Variants in TMEM106C observed in about 807,000 individuals in gnomAD.
TMEM106C encodes transmembrane protein 106C, also known as endoplasmic reticulum membrane protein overexpressed in cancer.
TMEM106C carries 27 observed loss-of-function variants against 30.8 expected under a neutral mutation model. The ratio of observed to expected loss-of-function variants is 0.88; its 90% confidence interval spans 0.65 to 1.21. The LOEUF is 1.21. Among genes scored for constraint, TMEM106C ranks in the 50% most tolerant of loss-of-function variants. TMEM106C has a pLI of 0.00. For missense variants in TMEM106C, 288 were observed against 307.8 expected, an observed-to-expected ratio of 0.94 and a Z score of 0.48; for synonymous variants, 123 against 118.8, an observed-to-expected ratio of 1.04 and a Z score of -0.23.
chr12:47,966,372 C>T, intron 5 of TMEM106C, 143 bp downstream of exon 5: 2 of 936,710 alleles, frequency 2.1e-6, no homozygotes, highest in African/African-American at 3.3e-5. Context: ...CTGTTGGGCC[C>T]TGTAATTATA....
At chr12:47,967,184 AT>A in intron 6 of TMEM106C, 23 bp from the exon 7 acceptor site, 1 of 1,609,100 alleles carries the variant, frequency 6.2e-7, no homozygotes, top group Non-Finnish European at 8.5e-7. Context: ...AAAACTGACT[AT>A]TTCCATATTT....
At position 47,968,186 on chromosome 12, in the gene TMEM106C, C is replaced by G; in HGVS notation, c.710C>G (p.Thr237Arg). The G allele has an allele frequency of 6.2e-7, 1 of 1,614,092 alleles. No individual in the cohort carries two copies. The highest frequency in any genetic ancestry group is 8.5e-7 in the Non-Finnish European group (1 of 1,179,972). ...CTCATGACCCAGAGCTCCTTGGAGA[C>G]ACATCACTATGTGGATTGTGGAGGA... ...IGLMTQSSLE[T>R]HHYVDCGGNS... Residue 237 changes from threonine to arginine, a missense_variant, in exon 8 of 8, where the codon ACA (threonine) becomes AGA (arginine). Coordinates refer to ENST00000429772, the MANE Select transcript of TMEM106C (RefSeq NM_001143842.2).
At chr12:47,964,106 C>T in intron 1 of TMEM106C, 103 bp from the exon 2 acceptor site, 1 of 929,528 alleles carries the variant, frequency 1.1e-6, no homozygotes, top group Non-Finnish European at 1.6e-6. Flanking sequence ...ACACTCAGGG[C>T]GGCAACTTGT....
chr12:47,967,308 C>T (rs1938270445), intron 7 of TMEM106C, 47 bp downstream of exon 7: 2 of 1,605,024 alleles, frequency 1.2e-6, no homozygotes, highest in East Asian at 2.2e-5. Flanking sequence ...CCATGTGAGC[C>T]TACCACCTTT....
intron 3 of TMEM106C, 107 bp downstream of exon 3, chr12:47,965,452 T>G: frequency 2.2e-5 from 22 of 997,880 alleles, no homozygotes; most frequent in Non-Finnish European, 3.2e-5. Flanking sequence ...TTCTTATAAG[T>G]TCCCCATTTT....
At position 47,968,502 on chromosome 12, in the gene TMEM106C, A is replaced by G. The variant is rs1938324997; in HGVS notation, c.*273A>G. 14 of 467,798 alleles carry G rather than the reference A, an allele frequency of 3.0e-5. No individual in the cohort carries two copies. The highest frequency in any genetic ancestry group is 2.3e-4 in the South Asian group (12 of 52,284). 29.0% of individuals were successfully genotyped at this position (467,798 alleles called of 1,614,324 possible). ...TGCAGAATTTAATACAGATCTTTTCAGCTGTTCTTAGGGCATTATAAATGG... is the reference window on the plus strand; with the variant it reads ...TGCAGAATTTAATACAGATCTTTTCGGCTGTTCTTAGGGCATTATAAATGG... On this transcript the variant is annotated 3_prime_UTR_variant, in exon 8 of 8. Transcript: ENST00000429772.
chr12:47,967,093 A>G, intron 6 of TMEM106C, 115 bp from the exon 7 acceptor site: 1 of 1,035,056 alleles, frequency 9.7e-7, no homozygotes, highest in South Asian at 1.3e-5. Flanking sequence ...CCTTGGCAGC[A>G]CTTAGGTCGG....
At chr12:47,967,384 A>T in intron 7 of TMEM106C, 123 bp downstream of exon 7, 1 of 902,898 alleles carries the variant, frequency 1.1e-6, no homozygotes, top group Non-Finnish European at 1.8e-6. Flanking sequence ...CCTGTGCCTC[A>T]CAGGCACAGA....
chr12:47,965,510 CTG>C (rs1000187599), intron 3 of TMEM106C, 165 bp downstream of exon 3: 2 of 691,866 alleles, frequency 2.9e-6, no homozygotes, highest in African/African-American at 3.6e-5. Context: ...CCATCACAAT[CTG>C]GGGAAAGAAA....
Position 47,964,530 on chromosome 12 carries a change from A to G in TMEM106C, c.187+107A>G. The G allele has an allele frequency of 1.9e-6, 2 of 1,044,918 alleles. 1 individual carries two copies. The highest frequency in any genetic ancestry group is 2.8e-5 in the South Asian group (2 of 70,598). The allele number at this position is 1,044,918 out of a possible 1,614,324, so 64.7% of individuals were successfully genotyped here. Reference sequence around the variant, plus strand: ...TAGGCAGTAATACCATAATAGAGACAGTGCCCTGGACAGGAGCCAGCTCAA... The same window carrying G: ...TAGGCAGTAATACCATAATAGAGACGGTGCCCTGGACAGGAGCCAGCTCAA... On this transcript the variant is annotated intron_variant, in intron 2 of 7. Transcript: ENST00000429772.
chr12:47,967,583 T>A (rs1374284819), intron 7 of TMEM106C, among the ~76,000 whole-genome samples: 1 of 152,214 alleles, frequency 6.6e-6, no homozygotes, highest in Non-Finnish European at 1.5e-5. Context: ...TACTGGGCAT[T>A]TGACCAGACT....
intron 7 of TMEM106C, 67 bp from the exon 8 acceptor site, chr12:47,968,066 G>T: frequency 7.3e-7 from 1 of 1,370,592 alleles, no homozygotes; most frequent in Non-Finnish European, 1.0e-6. Context: ...AAAATTTCCT[G>T]GGACATTTTT....
chr12:47,965,480 C>G, intron 3 of TMEM106C, 135 bp downstream of exon 3: 1 of 831,166 alleles, frequency 1.2e-6, no homozygotes, highest in Non-Finnish European at 1.9e-6. Flanking sequence ...ACTGTTTGCC[C>G]AAGCAAGATA....
At chr12:47,965,499 C>A in intron 3 of TMEM106C, 154 bp downstream of exon 3, 1 of 720,048 alleles carries the variant, frequency 1.4e-6, no homozygotes, top group Non-Finnish European at 2.3e-6. Flanking sequence ...TATCTCTGCC[C>A]CCATCACAAT....
In TMEM106C at chr12:47,968,348, A is replaced by C. The variant is rs1047961525; in HGVS notation, c.*119A>C. 2 of 778,766 alleles carry C rather than the reference A, an allele frequency of 2.6e-6. No individual in the cohort carries two copies. Among genetic ancestry groups the C allele is most frequent in the Non-Finnish European group, 4.5e-6 (2 of 448,638 alleles). 48.2% of individuals were successfully genotyped at this position (778,766 alleles called of 1,614,324 possible). A position where few individuals can be genotyped will look rare whatever the true frequency, so the allele number is the denominator to read the frequency against. ...AAGCAGAGGAGGAATTGGTTCACTT[A>C]ACTCCCAGCAAACATCCTCCTGCCA... On this transcript the variant is annotated 3_prime_UTR_variant, in exon 8 of 8. Coordinates refer to ENST00000429772, the MANE Select transcript of TMEM106C (RefSeq NM_001143842.2).
At chr12:47,966,629 T>C (rs1565658781) in intron 5 of TMEM106C, 54 bp from the exon 6 acceptor site, 1 of 1,583,996 alleles carries the variant, frequency 6.3e-7, no homozygotes, top group Non-Finnish European at 8.7e-7. Context: ...ATAATAATAC[T>C]GTTCTGTGTC....
At chr12:47,966,830 G>C in intron 6 of TMEM106C, 98 bp downstream of exon 6, 1 of 1,342,398 alleles carries the variant, frequency 7.4e-7, no homozygotes, top group Non-Finnish European at 1.1e-6. Flanking sequence ...TTAGATCTCA[G>C]CTTTTGACTT....
chr12:47,968,168 C>T lies in TMEM106C; in HGVS notation c.692C>T (p.Thr231Ile), dbSNP rs114197535. 8 of 1,613,990 alleles carry T rather than the reference C, an allele frequency of 5.0e-6. No homozygotes were observed. In the East Asian group the frequency reaches 1.6e-4, roughly 31 times the overall value. Residue 231 changes from threonine (T) to isoleucine (I), a missense_variant, in exon 8 of 8, where the codon ACC becomes ATC. Transcript: ENST00000429772. ...SVKISYIGLM[T>I]QSSLETHHYV... is the part of the protein sequence containing the mutation. ...AAGATTTCATACATTGGCCTCATGA[C>T]CCAGAGCTCCTTGGAGACACATCAC...
Position 47,965,823 on chromosome 12 carries a change from C to A in TMEM106C, c.252-15C>A. ...TCTGACTGCCTGGGTCGGTCATGTG[C>A]TGTGTCATTTGCAGTAAGCAATATG... is the stretch of plus-strand genomic sequence containing the variant. On this transcript the variant is annotated splice_polypyrimidine_tract_variant and intron_variant, in intron 3 of 7. Coordinates refer to ENST00000429772, the MANE Select transcript of TMEM106C (RefSeq NM_001143842.2). 1 of 1,613,952 alleles carries A rather than the reference C, an allele frequency of 6.2e-7. No individual in the cohort carries two copies. Among genetic ancestry groups the A allele is most frequent in the Non-Finnish European group, 8.5e-7 (1 of 1,179,866 alleles).
Sources: gnomAD v4.1 joint callset for allele counts (sites outside exome capture counted in the v4.1 genomes callset) on GRCh38, gnomAD v4.1.1 for gene constraint, MANE v1.5 for transcripts, NCBI Gene and HGNC (gene_info 2026-07-23, HGNC 2026-07-21) for gene names.